Variants in IL18R1 observed in about 807,000 individuals in gnomAD.
The protein encoded by IL18R1 is interleukin 18 receptor 1.
A neutral mutation model predicts 48.5 loss-of-function variants in IL18R1; 40 were observed. The ratio of observed to expected loss-of-function variants is 0.82; its 90% CI spans 0.64 to 1.07. The LOEUF (loss-of-function observed/expected upper bound fraction) is 1.07, where lower values mean the gene tolerates loss of function less well. Among genes scored for constraint, IL18R1 ranks in the 50% least tolerant of loss-of-function variants. The pLI is 0.00. For synonymous variants in IL18R1, 232 were observed against 225.9 expected, an observed-to-expected ratio of 1.03 and a Z score of -0.24; for missense variants, 596 against 633.7, an observed-to-expected ratio of 0.94 and a Z score of 0.64.
intron 8 of IL18R1, among the ~76,000 whole-genome samples, 164 bp from the exon 9 acceptor site, chr2:102,389,892 A>G (rs1680459608): frequency 6.6e-6 from 1 of 152,264 alleles, no homozygotes; most frequent in Non-Finnish European, 1.5e-5. Flanking sequence ...TCACTACTCC[A>G]GACTAAAGGC....
chr2:102,394,645 A>G lies in IL18R1; in HGVS notation c.1270+18A>G, dbSNP rs1401674265. 2.5e-6 allele frequency: 4 copies of G among 1,571,012 alleles called. No individual in the cohort carries two copies. In the South Asian group the frequency reaches 4.6e-5, roughly 18 times the overall value. ...TGGAGGAGGTAAGAGGGAATGCCAG[A>G]TAGAAAAATATTCAAGATAGTTTCT... On this transcript the variant is annotated intron_variant, in intron 10 of 10. Transcript: ENST00000233957.
At chr2:102,389,689 C>G (rs1489142489) in intron 8 of IL18R1, among the ~76,000 whole-genome samples, 1 of 152,224 alleles carries the variant, frequency 6.6e-6, no homozygotes, top group East Asian at 1.9e-4. Context: ...TCTCTCTTCT[C>G]TCAAAACTAT....
At chr2:102,389,362 T>C (rs1396308885) in intron 8 of IL18R1, among the ~76,000 whole-genome samples, 2 of 152,222 alleles carry the variant, frequency 1.3e-5, no homozygotes, top group Non-Finnish European at 2.9e-5. Flanking sequence ...ACTTTATTCT[T>C]TTTATTCCTC....
intron 2 of IL18R1, among the ~76,000 whole-genome samples, chr2:102,366,433 T>C (rs1678903055): frequency 6.6e-6 from 1 of 152,202 alleles, no homozygotes. Context: ...ATTTAACAAG[T>C]CTTTAGGAAG....
intron 3 of IL18R1, among the ~76,000 whole-genome samples, chr2:102,371,475 A>G: frequency 6.6e-6 from 1 of 152,228 alleles, no homozygotes; most frequent in East Asian, 1.9e-4. Flanking sequence ...CAACAGTAAA[A>G]GAAGGGGATT....
At chr2:102,377,474 C>T (rs1435432882) in intron 5 of IL18R1, among the ~76,000 whole-genome samples, 1 of 152,148 alleles carries the variant, frequency 6.6e-6, no homozygotes, top group Non-Finnish European at 1.5e-5. Context: ...GCCACCACTC[C>T]CGGCTAATTT....
intron 1 of IL18R1, 146 bp downstream of exon 1, chr2:102,356,546 T>C (rs1678263500): frequency 6.5e-6 from 1 of 152,854 alleles, no homozygotes; most frequent in Admixed American, 6.5e-5. Flanking sequence ...GAATAATTGA[T>C]GAGACAGCAT....
At chr2:102,370,231 A>C (rs1176666951) in intron 3 of IL18R1, among the ~76,000 whole-genome samples, 1 of 152,256 alleles carries the variant, frequency 6.6e-6, no homozygotes, top group Non-Finnish European at 1.5e-5. Context: ...AGTGTCCTGC[A>C]CATGGAGTGT....
intron 5 of IL18R1, among the ~76,000 whole-genome samples, chr2:102,381,035 T>C (rs189030042): frequency 3.3e-5 from 5 of 152,338 alleles, no homozygotes; most frequent in African/African-American, 1.2e-4. Context: ...GCAGAATTTA[T>C]GTGCAGTACT....
chr2:102,390,224 C>T lies in IL18R1; in HGVS notation c.1111+7C>T. ...AGAGATGAAACATTAACAGGTAACA[C>T]ATATAATGCTGGAATTTCTTACCTT... is the stretch of plus-strand genomic sequence containing the variant. On this transcript the variant is annotated splice_region_variant and intron_variant, in intron 9 of 10. Coordinates refer to ENST00000233957, the MANE Select transcript of IL18R1 (RefSeq NM_003855.5). 6.2e-7 allele frequency: 1 copy of T among 1,611,440 alleles called. No homozygotes were observed. Among genetic ancestry groups the T allele is most frequent in the Non-Finnish European group, 8.5e-7 (1 of 1,177,784 alleles).
chr2:102,394,254 T>C (rs773511465), intron 9 of IL18R1, among the ~76,000 whole-genome samples: 2 of 152,212 alleles, frequency 1.3e-5, no homozygotes, highest in Non-Finnish European at 2.9e-5. Flanking sequence ...TGTATTCTTC[T>C]GTGGTGTCAA....
At chr2:102,372,156 G>A in intron 4 of IL18R1, 38 bp downstream of exon 4, 1 of 1,500,804 alleles carries the variant, frequency 6.7e-7, no homozygotes, top group Non-Finnish European at 9.0e-7. Context: ...AAGACTTGAT[G>A]GAAAAGATAA....
intron 7 of IL18R1, among the ~76,000 whole-genome samples, chr2:102,385,442 A>T (rs1680170912): frequency 6.6e-6 from 1 of 152,240 alleles, no homozygotes; most frequent in Non-Finnish European, 1.5e-5. Flanking sequence ...ATATTCTTCC[A>T]TTAAGGAATG....
Position 102,396,798 on chromosome 2 carries a change from GGAAGAACCTTCTTTACTT to G in IL18R1, c.1539_1556del (p.Trp513_Leu519delinsTer). ...TCTCTTTCTTATAACTCAAGGTTCT[GGAAGAACCTTCTTTACTT>G]AATGCCTGCAAAAACAGTCAAGCCA... is the stretch of plus-strand genomic sequence containing the variant. On this transcript the variant is annotated stop_gained and inframe_deletion, in exon 11 of 11. Transcript: ENST00000233957. LOFTEE classifies it low-confidence loss of function (END_TRUNC). The G allele has an allele frequency of 6.2e-7, 1 of 1,613,392 alleles. No individual in the cohort carries two copies. The highest frequency in any genetic ancestry group is 8.5e-7 in the Non-Finnish European group (1 of 1,179,366).
intron 1 of IL18R1, among the ~76,000 whole-genome samples, chr2:102,357,964 A>G (rs999009989): frequency 2.0e-5 from 3 of 152,090 alleles, no homozygotes; most frequent in Non-Finnish European, 4.4e-5. Flanking sequence ...CAGGCTGAGT[A>G]AAACGACTAT....
intron 3 of IL18R1, 32 bp downstream of exon 3, chr2:102,368,100 C>T (rs376851277): frequency 1.6e-5 from 26 of 1,611,666 alleles, no homozygotes; most frequent in East Asian, 2.2e-5. Context: ...AAATGTATTT[C>T]ACAGCCCTCT....
chr2:102,378,106 T>A (rs919785194), intron 5 of IL18R1, among the ~76,000 whole-genome samples: 1 of 152,224 alleles, frequency 6.6e-6, no homozygotes, highest in Non-Finnish European at 1.5e-5. Context: ...TTTCCCACCA[T>A]CTTTGCTTTC....
intron 1 of IL18R1, among the ~76,000 whole-genome samples, chr2:102,356,950 TGCAGCCAG>T (rs1678286652): frequency 6.6e-6 from 1 of 152,168 alleles, no homozygotes; most frequent in South Asian, 2.1e-4. Context: ...AGGTGTCAAT[TGCAGCCAG>T]ATACAGAGAT....
chr2:102,366,367 A>T (rs1439497786), intron 2 of IL18R1, among the ~76,000 whole-genome samples: 2 of 152,168 alleles, frequency 1.3e-5, no homozygotes, highest in East Asian at 3.9e-4. Context: ...TCCATCTGAG[A>T]CCACCTCAGC....
Sources: gnomAD v4.1 joint callset for allele counts (sites outside exome capture counted in the v4.1 genomes callset) on GRCh38, gnomAD v4.1.1 for gene constraint, MANE v1.5 for transcripts, NCBI Gene and HGNC (gene_info 2026-07-23, HGNC 2026-07-21) for gene names.